Variants in LTBP1 observed in about 807,000 individuals in gnomAD.
LTBP1 encodes latent transforming growth factor beta binding protein 1, also known as latent-transforming growth factor beta-binding protein 1.
Under a neutral mutation model 207.6 loss-of-function variants are expected in LTBP1, and 129 were observed. The ratio of observed to expected loss-of-function variants is 0.62; its 90% CI spans 0.54 to 0.72. LTBP1 has a LOEUF of 0.72. Among genes scored for constraint, LTBP1 ranks in the 30% least tolerant of loss-of-function variants. LTBP1 has a pLI of 0.00. For synonymous variants in LTBP1, 963 were observed against 833.7 expected (o/e 1.16, Z -2.67); for missense variants, 2,281 against 2,217.2 (o/e 1.03, Z -0.58).
intron 25 of LTBP1, among the ~76,000 whole-genome samples, chr2:33,343,712 A>T (rs2094662204): frequency 6.6e-6 from 1 of 152,218 alleles, no homozygotes; most frequent in African/African-American, 2.4e-5. Context: ...GTATTTCCTC[A>T]GTCTGTTCCG....
chr2:33,177,870 C>G (rs943115287), intron 5 of LTBP1, among the ~76,000 whole-genome samples: 5 of 152,208 alleles, frequency 3.3e-5, no homozygotes, highest in African/African-American at 4.8e-5. Context: ...AAACTGTAAT[C>G]TGAACACTCA....
In LTBP1 at chr2:33,319,017, T is replaced by A. The variant is rs554374951; in HGVS notation, c.3730+3748T>A. On this transcript the variant is annotated intron_variant, in intron 24 of 33. Transcript: ENST00000404816. ...CAGGGGACTGAGACGGAAGGATCGC[T>A]TGAGCCCAGGAGTTCAAGGCTGCAG... Among the ~76,000 whole-genome samples the A allele has an allele frequency of 4.6e-5, 7 of 152,310 alleles. No homozygotes were observed. In the East Asian group the frequency reaches 1.4e-3, roughly 29 times the overall value.
chr2:33,370,058 C>T (rs779186928), intron 31 of LTBP1, among the ~76,000 whole-genome samples: 10 of 150,428 alleles, frequency 6.6e-5, no homozygotes, highest in Non-Finnish European at 1.5e-4. Context: ...TTAATTTTCT[C>T]TCTCTGTACC....
At chr2:33,381,644 G>C (rs537614538) in intron 31 of LTBP1, among the ~76,000 whole-genome samples, 15 of 152,278 alleles carry the variant, frequency 9.9e-5, no homozygotes, top group African/African-American at 3.6e-4. Context: ...AGCTGCCCCT[G>C]GTGGAGCTGA....
intron 3 of LTBP1, among the ~76,000 whole-genome samples, chr2:33,033,868 G>A (rs960700705): frequency 8.5e-5 from 13 of 152,164 alleles, no homozygotes; most frequent in Non-Finnish European, 1.9e-4. Flanking sequence ...TTTTGCGTAT[G>A]GACAGTTTCA....
At chr2:33,175,157 G>C (rs2085896801) in intron 5 of LTBP1, among the ~76,000 whole-genome samples, 1 of 151,394 alleles carries the variant, frequency 6.6e-6, no homozygotes, top group African/African-American at 2.4e-5. Flanking sequence ...ATTGACAAAT[G>C]GGATCTAATT....
intron 2 of LTBP1, among the ~76,000 whole-genome samples, chr2:33,015,754 C>T (rs1688286336): frequency 6.6e-6 from 1 of 152,166 alleles, no homozygotes; most frequent in Non-Finnish European, 1.5e-5. Context: ...GGAAGCATAG[C>T]AGCTTGTGCT....
At chr2:33,369,563 C>CTT (rs142212297) in intron 31 of LTBP1, among the ~76,000 whole-genome samples, 5 of 151,812 alleles carry the variant, frequency 3.3e-5, no homozygotes, top group Non-Finnish European at 7.4e-5. Flanking sequence ...CCCAAAGGAA[C>CTT]TTTTTTTATT....
At chr2:33,282,998 G>A (rs1336917184) in intron 19 of LTBP1, among the ~76,000 whole-genome samples, 2 of 149,948 alleles carry the variant, frequency 1.3e-5, no homozygotes, top group Non-Finnish European at 3.0e-5. Flanking sequence ...GGGAGGCGGA[G>A]GTTGCAGTGA....
intron 5 of LTBP1, among the ~76,000 whole-genome samples, chr2:33,142,330 C>T (rs1469969136): frequency 6.6e-6 from 1 of 152,144 alleles, no homozygotes; most frequent in Non-Finnish European, 1.5e-5. Context: ...GCTTGGATTA[C>T]AGGCGTGAGC....
intron 24 of LTBP1, among the ~76,000 whole-genome samples, chr2:33,337,247 T>G (rs932010547): frequency 1.3e-5 from 2 of 152,180 alleles, no homozygotes; most frequent in South Asian, 2.1e-4. Flanking sequence ...TTAAAAACTT[T>G]TGGTTCATTG....
At chr2:33,008,260 A>G (rs1687201672) in intron 2 of LTBP1, among the ~76,000 whole-genome samples, 1 of 152,258 alleles carries the variant, frequency 6.6e-6, no homozygotes, top group African/African-American at 2.4e-5. Flanking sequence ...ATAAGTTTCA[A>G]AGTAAAAATA....
In LTBP1 at chr2:33,344,477, T is replaced by A. The variant is rs141288991; in HGVS notation, c.3856+1514T>A. 1.4e-4 allele frequency among the ~76,000 whole-genome samples: 21 copies of A among 152,350 alleles called. No homozygotes were observed. The East Asian group carries it at 3.9e-3, about 28-fold the overall frequency. ...GTTGCCCATGTCACTGTGCAATTAT[T>A]TGACTGTTGTTCACTCCTTCTGCTG... On this transcript the variant is annotated intron_variant, in intron 25 of 33. Transcript: ENST00000404816.
In LTBP1 at chr2:33,112,144, G is replaced by C. The variant is rs1054436760; in HGVS notation, c.1033+1393G>C. 4.1e-4 allele frequency among the ~76,000 whole-genome samples: 63 copies of C among 152,120 alleles called. 1 individual carries two copies. Among genetic ancestry groups the C allele is most frequent in the Admixed American group, 4.1e-3 (63 of 15,266 alleles). On this transcript the variant is annotated intron_variant, in intron 4 of 33. Transcript: ENST00000404816. Reference sequence around the variant, plus strand: ...AGATTTTAAAGTTTATGATTATACTGATAAGAGAAGAGAATTCTGAATTAT... The same window carrying C: ...AGATTTTAAAGTTTATGATTATACTCATAAGAGAAGAGAATTCTGAATTAT...
intron 26 of LTBP1, among the ~76,000 whole-genome samples, chr2:33,359,790 G>A (rs2094906119): frequency 6.6e-6 from 1 of 152,156 alleles, no homozygotes; most frequent in African/African-American, 2.4e-5. Context: ...TTTTTTAAAA[G>A]CACAGACTTG....
chr2:33,298,772 G>A (rs1249687760), intron 20 of LTBP1, among the ~76,000 whole-genome samples: 1 of 152,082 alleles, frequency 6.6e-6, no homozygotes, highest in South Asian at 2.1e-4. Context: ...TAAAACAAAA[G>A]TTTTTAATCA....
chr2:33,339,145 G>A (rs572884918), intron 24 of LTBP1, among the ~76,000 whole-genome samples: 7 of 152,158 alleles, frequency 4.6e-5, no homozygotes, highest in African/African-American at 1.4e-4. Flanking sequence ...CAGAGAATAG[G>A]AGAAAGTGAA....
At chr2:33,084,797 C>T (rs573253947) in intron 3 of LTBP1, among the ~76,000 whole-genome samples, 60 of 152,310 alleles carry the variant, frequency 3.9e-4, no homozygotes, top group South Asian at 8.3e-4. Context: ...CAGTCCAGCT[C>T]GGTCCGTCCC....
At chr2:33,265,652 T>C (rs1199131060) in intron 15 of LTBP1, among the ~76,000 whole-genome samples, 1 of 152,156 alleles carries the variant, frequency 6.6e-6, no homozygotes, top group Non-Finnish European at 1.5e-5. Flanking sequence ...ATATATACAC[T>C]GAGAAAATGC....
Sources: allele counts gnomAD v4.1 joint callset (sites outside exome capture counted in the v4.1 genomes callset), GRCh38; gene constraint gnomAD v4.1.1; transcripts MANE v1.5; gene names NCBI Gene and HGNC (gene_info 2026-07-23, HGNC 2026-07-21).